The following CNTN6 variants were observed in gnomAD, a reference collection of about 807,000 sequenced individuals.
The protein encoded by CNTN6 is contactin-6.
In CNTN6, 137 loss-of-function variants were observed where a neutral mutation model predicts 122.8. The observed-to-expected ratio is 1.12, with a 90% CI of 0.97 to 1.29. The LOEUF (loss-of-function observed/expected upper bound fraction) is 1.29, where lower values mean the gene tolerates loss of function less well. Ranked by LOEUF, CNTN6 falls within the 50% of genes most tolerant of loss-of-function variation. The pLI is 0.00. For missense variants in CNTN6, 1,634 were observed against 1,223.4 expected (o/e 1.34, Z -5.01); for synonymous variants, 570 against 426.0 (o/e 1.34, Z -4.16).
At chr3:1,334,626 C>T (rs265765) in intron 11 of CNTN6, among the ~76,000 whole-genome samples, 2,055 of 152,030 alleles carry the variant, frequency 0.014, 46 homozygotes, top group African/African-American at 0.047. Flanking sequence ...ACGGCAATTG[C>T]TGTGAACTGT....
chr3:1,294,728 C>A (rs765170905), intron 5 of CNTN6, among the ~76,000 whole-genome samples: 1 of 152,138 alleles, frequency 6.6e-6, no homozygotes, highest in Non-Finnish European at 1.5e-5. Flanking sequence ...TCTAGTTTAT[C>A]GTGCCGGTTT....
At chr3:1,119,152 C>T (rs1444740734) in intron 1 of CNTN6, among the ~76,000 whole-genome samples, 1 of 150,314 alleles carries the variant, frequency 6.7e-6, no homozygotes, top group Non-Finnish European at 1.5e-5. Context: ...TTTGAGTCTG[C>T]ATTTTTTAAG....
Position 1,352,401 on chromosome 3 carries a change from C to G in CNTN6, c.1442C>G (p.Ala481Gly), listed in dbSNP as rs781191971. The change falls in exon 12 of 23, where the codon GCC becomes GGC. Residue 481 changes from alanine to glycine, a missense_variant. Transcript: ENST00000446702. ...GATGCTGGATCATATACATGCATAG[C>G]CACAAATCAGTTTGGCACTGCAAAG... ...RSDAGSYTCI[A>G]TNQFGTAKNT... The G allele has an allele frequency of 1.9e-6, 3 of 1,608,228 alleles. No individual in the cohort carries two copies. The highest frequency in any genetic ancestry group is 1.7e-4 in the Middle Eastern group (1 of 6,020).
chr3:1,209,304 C>T (rs1375347980), intron 2 of CNTN6, among the ~76,000 whole-genome samples: 3 of 152,126 alleles, frequency 2.0e-5, no homozygotes, highest in Non-Finnish European at 4.4e-5. Context: ...AGAATGATTC[C>T]ATTATGTGAA....
chr3:1,268,549 G>A (rs1382277246), intron 4 of CNTN6, among the ~76,000 whole-genome samples: 1 of 144,018 alleles, frequency 6.9e-6, no homozygotes, highest in African/African-American at 2.6e-5. Flanking sequence ...GGAGCTTGCA[G>A]TGAGCCGAGA....
intron 7 of CNTN6, among the ~76,000 whole-genome samples, chr3:1,318,029 T>C (rs369738484): frequency 1.3e-5 from 2 of 151,058 alleles, no homozygotes; most frequent in East Asian, 2.0e-4. Context: ...TTCTCCTTAA[T>C]TGAATGTTTT....
intron 1 of CNTN6, among the ~76,000 whole-genome samples, chr3:1,144,863 A>G (rs1304205070): frequency 1.3e-5 from 2 of 152,172 alleles, no homozygotes; most frequent in Non-Finnish European, 2.9e-5. Flanking sequence ...AATTGTACCC[A>G]GGAACAGAAC....
chr3:1,272,152 G>C (rs1235070654), intron 4 of CNTN6, among the ~76,000 whole-genome samples: 1 of 152,178 alleles, frequency 6.6e-6, no homozygotes, highest in African/African-American at 2.4e-5. Flanking sequence ...CATGATTATA[G>C]GGCCTCCTGA....
rs1693805784 is a variant in CNTN6, at chr3:1,389,728, A to C, written c.2704+3931A>C. Among the ~76,000 whole-genome samples, 2 of 150,408 alleles carry C rather than the reference A, an allele frequency of 1.3e-5. 1 individual carries two copies. Among genetic ancestry groups the C allele is most frequent in the East Asian group, 3.9e-4 (2 of 5,174 alleles). ...GGATGGAGGAAGATCTACTGAGCCA[A>C]TGGAAAACAAAAAAAGGCAGGGGTT... On this transcript the variant is annotated intron_variant, in intron 20 of 22. Transcript: ENST00000446702.
chr3:1,251,288 C>T (rs910903865), intron 4 of CNTN6, among the ~76,000 whole-genome samples: 6 of 152,238 alleles, frequency 3.9e-5, no homozygotes, highest in Non-Finnish European at 8.8e-5. Context: ...ATCTGATTTT[C>T]AACCTTCCCA....
At chr3:1,386,161 G>GA (rs1692881652) in intron 20 of CNTN6, among the ~76,000 whole-genome samples, 1 of 152,026 alleles carries the variant, frequency 6.6e-6, no homozygotes, top group Non-Finnish European at 1.5e-5. Flanking sequence ...ATAAAATGAG[G>GA]AAAAAGTCAT....
chr3:1,143,139 C>T (rs557885168), intron 1 of CNTN6, among the ~76,000 whole-genome samples: 31 of 151,868 alleles, frequency 2.0e-4, no homozygotes, highest in African/African-American at 5.6e-4. Context: ...TGCCTGGGGA[C>T]AGTTCTCTGC....
intron 22 of CNTN6, 35 bp from the exon 23 acceptor site, chr3:1,403,283 T>A (rs761099649): frequency 7.0e-7 from 1 of 1,418,868 alleles, no homozygotes; most frequent in Non-Finnish European, 9.9e-7. Context: ...ATACTTTATC[T>A]CAAAATATTT....
chr3:1,143,333 A>C (rs1481241400), intron 1 of CNTN6, among the ~76,000 whole-genome samples: 4 of 152,118 alleles, frequency 2.6e-5, no homozygotes, highest in African/African-American at 9.6e-5. Flanking sequence ...ATGAACCAAG[A>C]TACTCACTGC....
Position 1,404,088 on chromosome 3 carries a change from T to C in CNTN6, c.*670T>C, listed in dbSNP as rs1213378494. On this transcript the variant is annotated 3_prime_UTR_variant, in exon 23 of 23. Transcript: ENST00000446702. ...AAATAATCTTCTAACAACTCTGGTA[T>C]ATATTAAGCAATTGCTCATGGCAAA... 1.3e-5 allele frequency: 2 copies of C among 152,190 alleles called. No individual in the cohort carries two copies. Among genetic ancestry groups the C allele is most frequent in the African/African-American group, 4.8e-5 (2 of 41,444 alleles). The allele number at this position is 152,190 out of a possible 1,614,324, so 9.4% of individuals were successfully genotyped here.
intron 4 of CNTN6, among the ~76,000 whole-genome samples, chr3:1,274,499 G>A (rs970317107): frequency 3.3e-5 from 5 of 152,098 alleles, no homozygotes; most frequent in African/African-American, 9.7e-5. Flanking sequence ...AAATACTTTT[G>A]TTATTAAAAG....
intron 2 of CNTN6, among the ~76,000 whole-genome samples, chr3:1,150,560 T>A (rs139782827): frequency 6.6e-6 from 1 of 152,320 alleles, no homozygotes; most frequent in East Asian, 1.9e-4. Context: ...TGGGACACTT[T>A]TAAAGTTTTG....
chr3:1,280,308 C>A (rs923511067), intron 5 of CNTN6, among the ~76,000 whole-genome samples: 17 of 151,976 alleles, frequency 1.1e-4, no homozygotes, highest in African/African-American at 4.1e-4. Context: ...ATATGTGGAT[C>A]TTTTAGTGTG....
intron 2 of CNTN6, among the ~76,000 whole-genome samples, chr3:1,148,304 T>C (rs2092765877): frequency 6.6e-6 from 1 of 151,996 alleles, no homozygotes; most frequent in African/African-American, 2.4e-5. Context: ...AATATGACAT[T>C]TTTATACAAT....
Sources: gnomAD v4.1 joint callset for allele counts (sites outside exome capture counted in the v4.1 genomes callset) on GRCh38, gnomAD v4.1.1 for gene constraint, MANE v1.5 for transcripts, NCBI Gene and HGNC (gene_info 2026-07-23, HGNC 2026-07-21) for gene names.